Variants in PEAR1 observed in about 807,000 individuals in gnomAD.
The protein encoded by PEAR1 is platelet endothelial aggregation receptor 1.
Under a neutral mutation model 131.2 loss-of-function variants are expected in PEAR1, and 113 were observed. The observed-to-expected ratio is 0.86, with a 90% confidence interval of 0.74 to 1.01. The LOEUF (loss-of-function observed/expected upper bound fraction) is 1.01. PEAR1 is among the 50% of genes least tolerant of loss of function. PEAR1 has a pLI of 0.00. For missense variants in PEAR1, 1,408 were observed against 1,391.1 expected (o/e 1.01, Z -0.19); for synonymous variants, 565 against 523.3 (o/e 1.08, Z -1.09).
At position 156,906,886 on chromosome 1, in the gene PEAR1, T is replaced by C. The variant is rs1288799337; in HGVS notation, c.644+6T>C. 2 of 1,613,034 alleles carry C rather than the reference T, an allele frequency of 1.2e-6. No homozygotes were observed. The highest frequency in any genetic ancestry group is 2.7e-5 in the African/African-American group (2 of 75,006). On this transcript the variant is annotated splice_donor_region_variant and intron_variant, in intron 6 of 22. Transcript: ENST00000292357. ...GCAGAGAGAACTGGGCCCAGGTATGTAATGGGGGGAACGACACTTTAACAA... is the reference window on the plus strand; with the variant it reads ...GCAGAGAGAACTGGGCCCAGGTATGCAATGGGGGGAACGACACTTTAACAA...
At chr1:156,914,221 G>A (rs1558151551) in intron 22 of PEAR1, 121 bp downstream of exon 22, 2 of 1,419,960 alleles carry the variant, frequency 1.4e-6, no homozygotes, top group Non-Finnish European at 1.9e-6. Flanking sequence ...GGCCTTTGGG[G>A]TCAGCTTCGG....
At chr1:156,901,825 G>A (rs1375409452) in intron 1 of PEAR1, among the ~76,000 whole-genome samples, 1 of 149,504 alleles carries the variant, frequency 6.7e-6, no homozygotes, top group Non-Finnish European at 1.5e-5. Flanking sequence ...TAGGCAGAGC[G>A]ATCCCTGGAG....
rs773052155 is a variant in PEAR1, at chr1:156,913,436, G to C, written c.2557G>C (p.Gly853Arg). The change falls in exon 20 of 23, where the codon GGT (glycine) becomes CGT (arginine). Residue 853 changes from glycine to arginine, a missense_variant. By Grantham distance (125) the Gly-to-Arg change is moderately radical. Coordinates refer to ENST00000292357, the MANE Select transcript of PEAR1 (RefSeq NM_001080471.3). ...FASLQNPERP[G>R]GAQGHDNHTT... ...CAGCCTGCAGAACCCTGAGCGGCCA[G>C]GTGGGGCCCAAGGGCATGATAACCA... The C allele has an allele frequency of 1.9e-6, 3 of 1,613,894 alleles. No individual in the cohort carries two copies. The Admixed American group carries it at 5.0e-5, about 27-fold the overall frequency.
chr1:156,914,168 G>A, intron 22 of PEAR1, 68 bp downstream of exon 22: 1 of 1,472,772 alleles, frequency 6.8e-7, no homozygotes, highest in Non-Finnish European at 9.0e-7. Context: ...AAAACAGAAG[G>A]AACAGAGGGA....
In PEAR1 at chr1:156,908,871, G is replaced by A. The variant is rs1222972781; in HGVS notation, c.1290+42G>A. 9 of 1,608,138 alleles carry A rather than the reference G, an allele frequency of 5.6e-6. No individual in the cohort carries two copies. The highest frequency in any genetic ancestry group is 1.1e-5 in the South Asian group (1 of 91,062). On this transcript the variant is annotated intron_variant, in intron 10 of 22. Coordinates refer to ENST00000292357, the MANE Select transcript of PEAR1 (RefSeq NM_001080471.3). The surrounding 1 kb of genome is among the most constrained non-coding windows in gnomAD (Gnocchi z 4.2). ...TGCAAGGAAGCGAGGCAGGTGGAGA[G>A]GCCAAGGAATGGGCCGCCCCTCTCA...
In PEAR1 at chr1:156,913,833, T is replaced by A. The variant is rs78827480; in HGVS notation, c.2714-19T>A. 9 of 1,610,944 alleles carry A rather than the reference T, an allele frequency of 5.6e-6. No individual in the cohort carries two copies. In the South Asian group the frequency reaches 9.9e-5, roughly 18 times the overall value. On this transcript the variant is annotated intron_variant, in intron 21 of 22. Transcript: ENST00000292357. ...AACCAGTGCCTCCATGCGGCCTGACTTCTTTCCTCTATCCTTAGGGCTCAT... is the reference window on the plus strand; with the variant it reads ...AACCAGTGCCTCCATGCGGCCTGACATCTTTCCTCTATCCTTAGGGCTCAT...
Position 156,909,741 on chromosome 1 carries a change from C to T in PEAR1, c.1412-10C>T, listed in dbSNP as rs1650823152. 6.3e-7 allele frequency: 1 copy of T among 1,591,152 alleles called. No individual in the cohort carries two copies. Among genetic ancestry groups the T allele is most frequent in the Non-Finnish European group, 8.6e-7 (1 of 1,165,164 alleles). ...GGTCCCCATACCTACCTACCAGGCC[C>T]CTCCTCCAGGTTGGCAGCGTGGTAA... is the stretch of plus-strand genomic sequence containing the variant. On this transcript the variant is annotated splice_polypyrimidine_tract_variant and intron_variant, in intron 11 of 22. Transcript: ENST00000292357.
rs756746250 is a variant in PEAR1, at chr1:156,910,282, G to A, written c.1727G>A (p.Cys576Tyr). 1 of 1,613,530 alleles carries A rather than the reference G, an allele frequency of 6.2e-7. No homozygotes were observed. The highest frequency in any genetic ancestry group is 8.5e-7 in the Non-Finnish European group (1 of 1,179,734). ...SCPEGLWGVN[C>Y]SNTCTCKNGG... ...CCTGAGGGCTTATGGGGAGTCAACT[G>A]TAGCAACACCTGCACCTGCAAGAAT... Residue 576 changes from cysteine to tyrosine, a missense_variant, in exon 14 of 23, where the codon TGT becomes TAT. Cys to Tyr is a radical substitution (Grantham distance 194). Transcript: ENST00000292357.
In PEAR1 at chr1:156,914,835, G is replaced by T; in HGVS notation, c.*37G>T. 6.8e-6 allele frequency: 11 copies of T among 1,609,340 alleles called. No individual in the cohort carries two copies. Among genetic ancestry groups the T allele is most frequent in the Non-Finnish European group, 9.3e-6 (11 of 1,177,174 alleles). ...GGTATGGCAGAGGCCAGCACACCTG[G>T]CTGTTGCTGCTCAAGGCTGGGGACA... On this transcript the variant is annotated 3_prime_UTR_variant, in exon 23 of 23. Coordinates refer to ENST00000292357, the MANE Select transcript of PEAR1 (RefSeq NM_001080471.3).
At chr1:156,896,292 G>A (rs1466326613) in intron 1 of PEAR1, among the ~76,000 whole-genome samples, 3 of 152,156 alleles carry the variant, frequency 2.0e-5, no homozygotes, top group Non-Finnish European at 2.9e-5. Context: ...CACATTTAAC[G>A]AGGCGCAGTA....
chr1:156,908,779 G>T lies in PEAR1; in HGVS notation c.1240G>T (p.Gly414Cys). The change falls in exon 10 of 23, where the codon GGC (glycine) becomes TGC (cysteine). Residue 414 changes from glycine to cysteine, a missense_variant. Transcript: ENST00000292357. The surrounding 1 kb of genome is among the most constrained non-coding windows in gnomAD (Gnocchi z 4.2). ...CQEHCLCLHGGVCQATSGLCQ... is the reference protein window; with the variant it reads ...CQEHCLCLHGCVCQATSGLCQ... ...GGAGCACTGTCTCTGCCTGCACGGTGGCGTCTGCCAGGCTACCAGCGGCCT... is the reference window on the plus strand; with the variant it reads ...GGAGCACTGTCTCTGCCTGCACGGTTGCGTCTGCCAGGCTACCAGCGGCCT... 1 of 1,602,916 alleles carries T rather than the reference G, an allele frequency of 6.2e-7. No homozygotes were observed. Among genetic ancestry groups the T allele is most frequent in the East Asian group, 2.2e-5 (1 of 44,540 alleles).
chr1:156,913,600 T>C, intron 20 of PEAR1, 77 bp downstream of exon 20: 1 of 1,600,508 alleles, frequency 6.2e-7, no homozygotes, highest in Non-Finnish European at 8.5e-7. Flanking sequence ...TGTGTGTGTC[T>C]GGAGACGGGG....
At position 156,902,683 on chromosome 1, in the gene PEAR1, G is replaced by A. The variant is rs932708831; in HGVS notation, c.-9-1235G>A. Among the ~76,000 whole-genome samples, 2 of 152,070 alleles carry A rather than the reference G, an allele frequency of 1.3e-5. No individual in the cohort carries two copies. The highest frequency in any genetic ancestry group is 2.1e-4 in the South Asian group (1 of 4,818). Reference sequence around the variant, plus strand: ...GGCCAGCAACCGCGACCTTTCTCTCGTCTCAGAAAAATTATAAGCAGATGT... The same window carrying A: ...GGCCAGCAACCGCGACCTTTCTCTCATCTCAGAAAAATTATAAGCAGATGT... On this transcript the variant is annotated intron_variant, in intron 1 of 22. Coordinates refer to ENST00000292357, the MANE Select transcript of PEAR1 (RefSeq NM_001080471.3). The surrounding 1 kb of genome is among the most constrained non-coding windows in gnomAD (Gnocchi z 4.3).
At position 156,915,419 on chromosome 1, in the gene PEAR1, C is replaced by A. The variant is rs1282836056; in HGVS notation, c.*621C>A. The stretch of plus-strand genomic sequence containing the variant: ...AAAGGCCCTGCTTTGCCTGGCCCAT[C>A]TGTCTCTCCAGCCTCACCTTGAACT... On this transcript the variant is annotated 3_prime_UTR_variant, in exon 23 of 23. Coordinates refer to ENST00000292357, the MANE Select transcript of PEAR1 (RefSeq NM_001080471.3). 6.6e-6 allele frequency: 1 copy of A among 152,306 alleles called. No individual in the cohort carries two copies. The highest frequency in any genetic ancestry group is 1.9e-4 in the East Asian group (1 of 5,206). The allele number at this position is 152,306 out of a possible 1,614,324, so 9.4% of individuals were successfully genotyped here. A position where few individuals can be genotyped will look rare whatever the true frequency, so the allele number is the denominator to read the frequency against.
chr1:156,898,737 C>T (rs1041988554), intron 1 of PEAR1, among the ~76,000 whole-genome samples: 2 of 152,152 alleles, frequency 1.3e-5, no homozygotes, highest in African/African-American at 2.4e-5. Flanking sequence ...AACCTTAGCA[C>T]CAAGCTAAGA....
At chr1:156,898,894 A>G (rs1649414564) in intron 1 of PEAR1, among the ~76,000 whole-genome samples, 1 of 152,204 alleles carries the variant, frequency 6.6e-6, no homozygotes, top group African/African-American at 2.4e-5. Flanking sequence ...GAAGACAGAG[A>G]CCAAGAAGCT....
Position 156,909,822 on chromosome 1 carries a change from C to A in PEAR1, c.1483C>A (p.Gln495Lys). 6.2e-7 allele frequency: 1 copy of A among 1,614,012 alleles called. No homozygotes were observed. The highest frequency in any genetic ancestry group is 8.5e-7 in the Non-Finnish European group (1 of 1,179,894). Residue 495 changes from glutamine to lysine, a missense_variant, in exon 12 of 23, where the codon CAG becomes AAG. Gln to Lys is a moderately conservative substitution (Grantham distance 53). Coordinates refer to ENST00000292357, the MANE Select transcript of PEAR1 (RefSeq NM_001080471.3). Reference sequence around the variant, plus strand: ...GGGCTTCAGTTGCAATGCCAGCTGCCAGTGTGCCCATGAGGCAGTCTGCAG... The same window carrying A: ...GGGCTTCAGTTGCAATGCCAGCTGCAAGTGTGCCCATGAGGCAGTCTGCAG... ...TWGFSCNASC[Q>K]CAHEAVCSPQ...
At chr1:156,900,058 G>C (rs970028957) in intron 1 of PEAR1, among the ~76,000 whole-genome samples, 1 of 152,064 alleles carries the variant, frequency 6.6e-6, no homozygotes, top group South Asian at 2.1e-4. Context: ...GTGAGGGTAG[G>C]GGGGCTCCCC....
At chr1:156,911,037 T>TTTTC (rs71681254) in intron 15 of PEAR1, among the ~76,000 whole-genome samples, 21,835 of 112,906 alleles carry the variant, frequency 0.19, 2,451 homozygotes, top group Non-Finnish European at 0.22. Context: ...CTTGATTTCT[T>TTTTC]TTTCTTTCTT....
Sources: gnomAD v4.1 joint callset for allele counts (sites outside exome capture counted in the v4.1 genomes callset) on GRCh38, gnomAD v4.1.1 for gene constraint, Gnocchi (gnomAD v3.1) non-coding constraint, MANE v1.5 for transcripts, NCBI Gene and HGNC (gene_info 2026-07-23, HGNC 2026-07-21) for gene names.